BNC2: variants seen among roughly 807,000 people sequenced by gnomAD.
The protein encoded by BNC2 is zinc finger protein basonuclin-2.
A neutral mutation model predicts 76.3 loss-of-function variants in BNC2; 20 were observed. That is an observed-to-expected ratio of 0.26 (90% CI 0.18 to 0.38). The LOEUF is 0.38. Ranked by LOEUF, BNC2 falls within the 10% of genes least tolerant of loss-of-function variation. BNC2 has a pLI of 1.00. For synonymous variants in BNC2, 582 were observed against 514.8 expected (o/e 1.13, Z -1.77); for missense variants, 1,382 against 1,399.8 (o/e 0.99, Z 0.20).
Position 16,583,203 on chromosome 9 carries a change from T to G in BNC2, c.331-118A>C, listed in dbSNP as rs1234297570. Reference sequence around the variant, plus strand: ...TAAAGATTTTATGATGGTAGGGGCCTGGAGAGTTTTAAAAATAAATTTAGA... The same window carrying G: ...TAAAGATTTTATGATGGTAGGGGCCGGGAGAGTTTTAAAAATAAATTTAGA... On this transcript the variant is annotated intron_variant, in intron 3 of 6. Transcript: ENST00000380672. 10 of 816,892 alleles carry G rather than the reference T, an allele frequency of 1.2e-5. No individual in the cohort carries two copies. In the African/African-American group the frequency reaches 1.5e-4, roughly 13 times the overall value. 50.6% of individuals were successfully genotyped at this position (816,892 alleles called of 1,614,324 possible). A position where few individuals can be genotyped will look rare whatever the true frequency, so the allele number is the denominator to read the frequency against.
intron 1 of BNC2, among the ~76,000 whole-genome samples, chr9:16,802,184 GC>G (rs1817801042): frequency 6.6e-6 from 1 of 152,202 alleles, no homozygotes; most frequent in Non-Finnish European, 1.5e-5. Context: ...AAATATATTA[GC>G]TGCGACTTCA....
rs993396432 is a variant in BNC2 at position 16,578,120 on chromosome 9, T to TA, written c.433+4862dup. ...AGAAGAAAAAGTTACTGATCTAGTT[T>TA]AAAAAAAAATTCTAAATGAATTACC... On this transcript the variant is annotated intron_variant, in intron 4 of 6. Coordinates refer to ENST00000380672, the MANE Select transcript of BNC2 (RefSeq NM_017637.6). Among the ~76,000 whole-genome samples, 17 of 151,760 alleles carry TA rather than the reference T, an allele frequency of 1.1e-4. No homozygotes were observed. The Middle Eastern group carries it at 0.01, about 91-fold the overall frequency.
In BNC2 at chr9:16,414,919, T is replaced by TTTG. The variant is rs1491137678; in HGVS notation, c.*4069_*4070insCAA. The TTTG allele has an allele frequency of 1.1e-5, 1 of 92,754 alleles. No individual in the cohort carries two copies. Among genetic ancestry groups the TTTG allele is most frequent in the Non-Finnish European group, 1.8e-5 (1 of 54,268 alleles). 5.7% of individuals were successfully genotyped at this position (92,754 alleles called of 1,614,324 possible). On this transcript the variant is annotated 3_prime_UTR_variant, in exon 7 of 7. Transcript: ENST00000380672. Reference sequence around the variant, plus strand: ...TAGCCCATTCTTGATATATTCAAAGTTTTTTTTTTTTTTTTTTCCTTAGAG... The same window carrying TTTG: ...TAGCCCATTCTTGATATATTCAAAGTTTGTTTTTTTTTTTTTTTTTCCTTAGAG...
intron 5 of BNC2, among the ~76,000 whole-genome samples, chr9:16,538,695 T>A (rs1405634611): frequency 1.3e-5 from 2 of 152,198 alleles, no homozygotes; most frequent in African/African-American, 4.8e-5. Flanking sequence ...GAAACTAATA[T>A]AAATGTTTTT....
At chr9:16,801,232 A>T (rs146808810) in intron 1 of BNC2, among the ~76,000 whole-genome samples, 1 of 151,992 alleles carries the variant, frequency 6.6e-6, no homozygotes, top group Non-Finnish European at 1.5e-5. Context: ...TACTATTGAT[A>T]ATACATTCAT....
At chr9:16,736,880 C>T (rs1423268793) in intron 2 of BNC2, among the ~76,000 whole-genome samples, 10 of 151,958 alleles carry the variant, frequency 6.6e-5, no homozygotes, top group Non-Finnish European at 1.0e-4. Flanking sequence ...CATCTCGGCT[C>T]ACCGCAATCT....
In BNC2 at chr9:16,443,779, A is replaced by G. The variant is rs547169270; in HGVS notation, c.670-6255T>C. ...TACGCTACTGTTCCAAGCATATGAA[A>G]TTCTGGAAAAGGTAAGATTATGGGA... On this transcript the variant is annotated intron_variant, in intron 5 of 6. Coordinates refer to ENST00000380672, the MANE Select transcript of BNC2 (RefSeq NM_017637.6). Among the ~76,000 whole-genome samples, 3 of 152,304 alleles carry G rather than the reference A, an allele frequency of 2.0e-5. No individual in the cohort carries two copies. The South Asian group carries it at 6.2e-4, about 32-fold the overall frequency.
rs1207066942 is a variant in BNC2, at chr9:16,419,511, G to A, written c.2778C>T (p.Pro926=). 1 of 1,614,102 alleles carries A rather than the reference G, an allele frequency of 6.2e-7. No homozygotes were observed. The highest frequency in any genetic ancestry group is 1.1e-5 in the South Asian group (1 of 91,080). Residue 926 remains proline, a synonymous_variant, in exon 7 of 7, where the codon CCC becomes CCT. Coordinates refer to ENST00000380672, the MANE Select transcript of BNC2 (RefSeq NM_017637.6). Reference sequence around the variant, plus strand: ...CGTCTTCCCTGACATCGAGCCCCATGGGGTGCTGGGCACCATATATCTTCA... The same window carrying A: ...CGTCTTCCCTGACATCGAGCCCCATAGGGTGCTGGGCACCATATATCTTCA... ...FLVKIYGAQH[P]MGLDVREDAS... is the part of the protein sequence containing the mutation.
rs777730054 is a variant in BNC2 at position 16,437,003 on chromosome 9, G to T, written c.1191C>A (p.Thr397=). ...GAATGGGAGAGACACAGGCTGGCTC[G>T]GTTTTGGGCTCCACATTAGTAATGC... The part of the protein sequence containing the change: ...LTSITNVEPK[T]EPACVSPIQN... The change falls in exon 6 of 7, where the codon ACC becomes ACA. Residue 397 remains threonine, a synonymous_variant. Transcript: ENST00000380672. 4 of 1,613,946 alleles carry T rather than the reference G, an allele frequency of 2.5e-6. No homozygotes were observed. The highest frequency in any genetic ancestry group is 3.4e-6 in the Non-Finnish European group (4 of 1,180,040).
chr9:16,435,425 G>A (rs1404726356), intron 6 of BNC2, 130 bp downstream of exon 6: 4 of 1,127,074 alleles, frequency 3.5e-6, no homozygotes, highest in Non-Finnish European at 5.3e-6. Flanking sequence ...GTTATCACAT[G>A]ATCACTGTGG....
intron 3 of BNC2, among the ~76,000 whole-genome samples, chr9:16,596,446 C>T (rs546313060): frequency 3.9e-5 from 6 of 152,026 alleles, no homozygotes; most frequent in African/African-American, 1.4e-4. Flanking sequence ...AGGTAAATTG[C>T]AAAACCCGAT....
chr9:16,738,336 G>C (rs761316396), intron 2 of BNC2, 24 bp downstream of exon 2: 1 of 1,486,934 alleles, frequency 6.7e-7, no homozygotes, highest in South Asian at 1.1e-5. Flanking sequence ...GTAACTTAAA[G>C]GGGGAAAAAA....
chr9:16,552,535 G>A lies in BNC2; in HGVS notation c.664C>T (p.Leu222Phe). ...CGTTCAAGTCCTCTCCCTACCTGAA[G>A]GATGTATCCTCGGACATAGTCCCGC... is the stretch of plus-strand genomic sequence containing the variant. ...TLRDYVRGYI[L>F]QDAAGKVLDR... Residue 222 changes from leucine to phenylalanine, a missense_variant, in exon 5 of 7, where the codon CTT becomes TTT. By Grantham distance (22) the Leu-to-Phe change is conservative. This residue lies in a region of BNC2 where 557 missense variants were observed against 540.9 expected (regional missense o/e 1.03). Coordinates refer to ENST00000380672, the MANE Select transcript of BNC2 (RefSeq NM_017637.6). The A allele has an allele frequency of 6.2e-7, 1 of 1,614,058 alleles. No homozygotes were observed. The highest frequency in any genetic ancestry group is 8.5e-7 in the Non-Finnish European group (1 of 1,179,930).
chr9:16,701,644 A>C (rs371797974), intron 3 of BNC2, among the ~76,000 whole-genome samples: 33 of 152,166 alleles, frequency 2.2e-4, no homozygotes, highest in African/African-American at 7.7e-4. Context: ...AGCAATACTA[A>C]ATAAAGACCA....
intron 5 of BNC2, among the ~76,000 whole-genome samples, chr9:16,468,253 GC>G (rs933467065): frequency 6.6e-6 from 1 of 151,678 alleles, no homozygotes; most frequent in African/African-American, 2.4e-5. Context: ...TACCTCTTTT[GC>G]AAAGTCTTCC....
At chr9:16,540,468 A>C (rs1818285149) in intron 5 of BNC2, among the ~76,000 whole-genome samples, 1 of 152,190 alleles carries the variant, frequency 6.6e-6, no homozygotes, top group Non-Finnish European at 1.5e-5. Context: ...TGGGCACATG[A>C]GTATAGGGTC....
At chr9:16,638,450 C>T (rs1467246092) in intron 3 of BNC2, among the ~76,000 whole-genome samples, 5 of 151,920 alleles carry the variant, frequency 3.3e-5, no homozygotes, top group Admixed American at 6.6e-5. Context: ...CCTAACTGTC[C>T]AGCATTAAGA....
At chr9:16,489,454 T>A (rs969124466) in intron 5 of BNC2, among the ~76,000 whole-genome samples, 1 of 152,152 alleles carries the variant, frequency 6.6e-6, no homozygotes, top group Non-Finnish European at 1.5e-5. Flanking sequence ...ACTAGAGAAA[T>A]CTTTAAAAAG....
At chr9:16,757,201 G>T (rs1825411311) in intron 1 of BNC2, among the ~76,000 whole-genome samples, 1 of 152,180 alleles carries the variant, frequency 6.6e-6, no homozygotes, top group South Asian at 2.1e-4. Context: ...TACTAGCCAT[G>T]AAAGTAGACA....
Sources: gnomAD v4.1 joint callset for allele counts (sites outside exome capture counted in the v4.1 genomes callset) on GRCh38, gnomAD v4.1.1 for gene constraint, gnomAD v4.1.1 regional missense constraint, MANE v1.5 for transcripts, NCBI Gene and HGNC (gene_info 2026-07-23, HGNC 2026-07-21) for gene names.